Variants in PTPRD observed in about 807,000 individuals in gnomAD.
PTPRD encodes protein tyrosine phosphatase receptor type D.
A neutral mutation model predicts 214.5 loss-of-function variants in PTPRD; 34 were observed. That is an observed-to-expected ratio of 0.16 (90% CI 0.12 to 0.21). The LOEUF is 0.21. PTPRD is among the 10% of genes least tolerant of loss of function. The pLI is 1.00. For synonymous variants in PTPRD, 1,128 were observed against 845.7 expected (o/e 1.33, Z -5.79); for missense variants, 2,545 against 2,398.7 (o/e 1.06, Z -1.27).
At chr9:9,422,051 G>C (rs938717236) in intron 8 of PTPRD, among the ~76,000 whole-genome samples, 1 of 151,986 alleles carries the variant, frequency 6.6e-6, no homozygotes, top group Non-Finnish European at 1.5e-5. Flanking sequence ...GACATCTATG[G>C]ACAGGTATTT....
intron 30 of PTPRD, among the ~76,000 whole-genome samples, chr9:8,474,570 A>G (rs977940402): frequency 6.6e-6 from 1 of 152,206 alleles, no homozygotes. Flanking sequence ...AACCCCAGTT[A>G]GGCCTTCAAC....
At chr9:9,204,873 A>G (rs1351719663) in intron 9 of PTPRD, among the ~76,000 whole-genome samples, 1 of 152,162 alleles carries the variant, frequency 6.6e-6, no homozygotes, top group East Asian at 1.9e-4. Flanking sequence ...TCACAAAACA[A>G]TATGCAGAAC....
At chr9:8,767,226 T>A (rs1340390883) in intron 11 of PTPRD, among the ~76,000 whole-genome samples, 1 of 152,092 alleles carries the variant, frequency 6.6e-6, no homozygotes, top group African/African-American at 2.4e-5. Flanking sequence ...TGAGTGATTC[T>A]CCTGCCTCAG....
At chr9:8,968,592 T>C (rs919355868) in intron 11 of PTPRD, among the ~76,000 whole-genome samples, 1 of 152,120 alleles carries the variant, frequency 6.6e-6, no homozygotes. Context: ...ACCATAATCT[T>C]ATTGGGTTCA....
At chr9:8,665,230 T>G (rs1471109105) in intron 12 of PTPRD, among the ~76,000 whole-genome samples, 12 of 152,220 alleles carry the variant, frequency 7.9e-5, no homozygotes, top group Admixed American at 7.2e-4. Flanking sequence ...AAACAAATAT[T>G]AAGCTAGCCA....
At chr9:10,590,355 C>G (rs1030262533) in intron 2 of PTPRD, among the ~76,000 whole-genome samples, 5 of 151,912 alleles carry the variant, frequency 3.3e-5, no homozygotes, top group East Asian at 1.9e-4. Flanking sequence ...CAATTAAATG[C>G]ACCTATTTTA....
At position 8,713,634 on chromosome 9, in the gene PTPRD, G is replaced by C. The variant is rs529443575; in HGVS notation, c.64+20146C>G. ...TGACCACCGCGGGCGCTGTCACCCA[G>C]TGCTACCGAGACATGGGCGCCCGGC... is the stretch of plus-strand genomic sequence containing the variant. On this transcript the variant is annotated intron_variant, in intron 12 of 45. Transcript: ENST00000381196. 788 of 1,532,232 alleles carry C rather than the reference G, an allele frequency of 5.1e-4. 5 individuals are homozygous for C. Among genetic ancestry groups the C allele is most frequent in the Middle Eastern group, 4.0e-3 (17 of 4,296 alleles). 94.9% of individuals were successfully genotyped at this position (1,532,232 alleles called of 1,614,324 possible).
At chr9:10,077,516 C>T (rs917599338) in intron 3 of PTPRD, among the ~76,000 whole-genome samples, 1 of 152,040 alleles carries the variant, frequency 6.6e-6, no homozygotes, top group African/African-American at 2.4e-5. Context: ...CTTTTAGGTT[C>T]AGAGGTATAT....
At chr9:9,029,555 A>G (rs1266624280) in intron 10 of PTPRD, among the ~76,000 whole-genome samples, 1 of 151,916 alleles carries the variant, frequency 6.6e-6, no homozygotes, top group East Asian at 1.9e-4. Context: ...GAAGACTTTC[A>G]GAATAATTAA....
At chr9:10,606,469 G>A (rs769682500) in intron 2 of PTPRD, among the ~76,000 whole-genome samples, 3 of 150,994 alleles carry the variant, frequency 2.0e-5, no homozygotes, top group South Asian at 2.1e-4. Flanking sequence ...CAGGTTTTTC[G>A]TAAGTGGCCT....
At chr9:9,385,984 AT>A (rs2063750482) in intron 9 of PTPRD, among the ~76,000 whole-genome samples, 1 of 152,128 alleles carries the variant, frequency 6.6e-6, no homozygotes. Flanking sequence ...TGCTTCTGGA[AT>A]AGCTGTGTTG....
intron 3 of PTPRD, among the ~76,000 whole-genome samples, chr9:10,145,646 T>C (rs1041401436): frequency 3.9e-5 from 6 of 152,126 alleles, no homozygotes; most frequent in African/African-American, 1.4e-4. Context: ...AACTTATACA[T>C]GGATTTTTGA....
chr9:9,440,290 T>A (rs2144294622), intron 8 of PTPRD, among the ~76,000 whole-genome samples: 1 of 152,340 alleles, frequency 6.6e-6, no homozygotes, highest in East Asian at 1.9e-4. Context: ...CTGTATTTTA[T>A]TTTTAAATTA....
intron 12 of PTPRD, among the ~76,000 whole-genome samples, chr9:8,658,904 TTAAC>T (rs1277448437): frequency 1.3e-5 from 2 of 152,104 alleles, no homozygotes; most frequent in Non-Finnish European, 2.9e-5. Context: ...ATCTAGACAA[TTAAC>T]TAAAATGCTA....
At chr9:10,329,692 T>C (rs2096714244) in intron 3 of PTPRD, among the ~76,000 whole-genome samples, 1 of 151,848 alleles carries the variant, frequency 6.6e-6, no homozygotes, top group Admixed American at 6.6e-5. Context: ...ACGTGTGAAA[T>C]AATGACACCT....
intron 11 of PTPRD, among the ~76,000 whole-genome samples, chr9:8,854,585 G>A (rs2154543827): frequency 6.6e-6 from 1 of 152,278 alleles, no homozygotes. Context: ...CGAAAGAACA[G>A]TTTAAGTATA....
Position 8,929,733 on chromosome 9 carries a change from G to A in PTPRD, c.-104+88964C>T, listed in dbSNP as rs868749172. Among the ~76,000 whole-genome samples, 30 of 95,100 alleles carry A rather than the reference G, an allele frequency of 3.2e-4. 1 individual carries two copies. The highest frequency in any genetic ancestry group is 1.3e-3 in the African/African-American group (27 of 20,980). The allele number at this position is 95,100 out of a possible 152,430, so 62.4% of individuals were successfully genotyped here. Reference sequence around the variant, plus strand: ...TATATATATGTGTATATATATATGTGTATATATATGTGTATATATATATGT... The same window carrying A: ...TATATATATGTGTATATATATATGTATATATATATGTGTATATATATATGT... On this transcript the variant is annotated intron_variant, in intron 11 of 45. Coordinates refer to ENST00000381196, the MANE Select transcript of PTPRD (RefSeq NM_002839.4).
chr9:9,833,443 G>C (rs1231470578), intron 5 of PTPRD, among the ~76,000 whole-genome samples: 2 of 151,916 alleles, frequency 1.3e-5, no homozygotes, highest in Non-Finnish European at 2.9e-5. Context: ...AAGGCAAGTG[G>C]AGGCAGGGCG....
At chr9:8,713,797 C>T in intron 12 of PTPRD, 1 of 1,533,994 alleles carries the variant, frequency 6.5e-7, no homozygotes, top group Non-Finnish European at 8.8e-7. Context: ...GCGCCTTCAG[C>T]ACAAGCCACG....
Sources: allele counts gnomAD v4.1 joint callset (sites outside exome capture counted in the v4.1 genomes callset), GRCh38; gene constraint gnomAD v4.1.1; transcripts MANE v1.5; gene names NCBI Gene and HGNC (gene_info 2026-07-23, HGNC 2026-07-21).